CSGALNACT1: variants seen among roughly 807,000 people sequenced by gnomAD.
CSGALNACT1 encodes the protein beta4GalNAcT-1.
CSGALNACT1 carries 52 observed loss-of-function variants against 51.0 expected under a neutral mutation model. The observed-to-expected ratio is 1.02, with a 90% confidence interval of 0.82 to 1.29. The LOEUF is 1.29. Among genes scored for constraint, CSGALNACT1 ranks in the 50% most tolerant of loss-of-function variants. CSGALNACT1 has a pLI of 0.00. For synonymous variants in CSGALNACT1, 341 were observed against 254.4 expected (o/e 1.34, Z -3.24); for missense variants, 935 against 679.2 (o/e 1.38, Z -4.19).
intron 3 of CSGALNACT1, among the ~76,000 whole-genome samples, chr8:19,574,413 A>C (rs1455383135): frequency 6.6e-6 from 1 of 152,206 alleles, no homozygotes; most frequent in Admixed American, 6.5e-5. Context: ...GGGTTCCTCC[A>C]TGCAGCCCAG....
At chr8:19,528,589 T>A (rs1473417238) in intron 3 of CSGALNACT1, among the ~76,000 whole-genome samples, 1 of 141,418 alleles carries the variant, frequency 7.1e-6, no homozygotes, top group African/African-American at 2.9e-5. Context: ...ATGTGAGAAT[T>A]ACTCTTTCTG....
At chr8:19,500,070 C>T (rs1370681063) in intron 4 of CSGALNACT1, among the ~76,000 whole-genome samples, 7 of 152,134 alleles carry the variant, frequency 4.6e-5, no homozygotes, top group Admixed American at 1.3e-4. Flanking sequence ...CATCAGCAAA[C>T]GCATGGAGAT....
chr8:19,609,963 G>C (rs578104170), intron 1 of CSGALNACT1, among the ~76,000 whole-genome samples: 9 of 152,196 alleles, frequency 5.9e-5, no homozygotes, highest in African/African-American at 2.2e-4. Flanking sequence ...GCTCACGCCT[G>C]TAATCCCAGC....
At position 19,445,899 on chromosome 8, in the gene CSGALNACT1, G is replaced by A. The variant is rs2062030810; in HGVS notation, c.852-5968C>T. 2.0e-5 allele frequency among the ~76,000 whole-genome samples: 3 copies of A among 152,166 alleles called. No individual in the cohort carries two copies. The South Asian group carries it at 6.2e-4, about 32-fold the overall frequency. ...AAGTTTAAAAAGTAAAGTAAGCTGG[G>A]CGTGGTGGCTCATGCCTATAATCTC... On this transcript the variant is annotated intron_variant, in intron 5 of 9. Coordinates refer to ENST00000454498, the Ensembl canonical transcript of CSGALNACT1.
intron 5 of CSGALNACT1, among the ~76,000 whole-genome samples, chr8:19,455,417 A>G (rs1259610571): frequency 6.6e-6 from 1 of 152,216 alleles, no homozygotes; most frequent in Admixed American, 6.5e-5. Flanking sequence ...AACATCAAAT[A>G]TTTATTAAGC....
At chr8:19,601,685 T>C in intron 2 of CSGALNACT1, 86 bp downstream of exon 2, 1 of 368,018 alleles carries the variant, frequency 2.7e-6, no homozygotes, top group Non-Finnish European at 5.4e-6. Flanking sequence ...TAGAATGAAA[T>C]TTCATACATT....
intron 5 of CSGALNACT1, among the ~76,000 whole-genome samples, chr8:19,445,606 T>G (rs2061982741): frequency 6.6e-6 from 1 of 152,226 alleles, no homozygotes; most frequent in Non-Finnish European, 1.5e-5. Context: ...ATGGACCAGA[T>G]ACTCTACCAG....
At chr8:19,627,801 T>C (rs2054639897) in intron 1 of CSGALNACT1, among the ~76,000 whole-genome samples, 3 of 152,198 alleles carry the variant, frequency 2.0e-5, no homozygotes, top group African/African-American at 7.2e-5. Context: ...CTGCAGCACC[T>C]GGGTGACAGA....
chr8:19,583,537 A>T (rs930290042), intron 3 of CSGALNACT1, among the ~76,000 whole-genome samples: 1 of 152,182 alleles, frequency 6.6e-6, no homozygotes, highest in African/African-American at 2.4e-5. Context: ...ATTCCATTCT[A>T]ACTGACACTC....
chr8:19,513,397 T>C (rs575377977), intron 3 of CSGALNACT1, among the ~76,000 whole-genome samples: 7 of 142,436 alleles, frequency 4.9e-5, no homozygotes, highest in East Asian at 2.1e-4. Context: ...ATTCTGTTCA[T>C]AGAATTTTCT....
intron 3 of CSGALNACT1, among the ~76,000 whole-genome samples, chr8:19,509,557 G>C (rs1432332651): frequency 6.7e-6 from 1 of 148,440 alleles, no homozygotes; most frequent in Non-Finnish European, 1.5e-5. Context: ...GGGAGGCAGA[G>C]GTTGCAATGA....
chr8:19,532,160 C>CT (rs2082894996), intron 3 of CSGALNACT1: 1 of 136,102 alleles, frequency 7.3e-6, no homozygotes, highest in South Asian at 2.4e-4. Flanking sequence ...ACAAGTTTAG[C>CT]TTTTGGAAAT....
At chr8:19,546,185 C>T (rs563865210) in intron 3 of CSGALNACT1, among the ~76,000 whole-genome samples, 1 of 152,212 alleles carries the variant, frequency 6.6e-6, no homozygotes, top group African/African-American at 2.4e-5. Flanking sequence ...TTTTAGTATG[C>T]TTTGCCCAAT....
At chr8:19,431,461 T>C (rs1377579663) in intron 6 of CSGALNACT1, among the ~76,000 whole-genome samples, 2 of 152,098 alleles carry the variant, frequency 1.3e-5, no homozygotes, top group Admixed American at 6.5e-5. Flanking sequence ...ATATGGCATA[T>C]TTCATTGATT....
At chr8:19,558,190 A>G (rs145339318) in intron 3 of CSGALNACT1, among the ~76,000 whole-genome samples, 2 of 152,368 alleles carry the variant, frequency 1.3e-5, no homozygotes, top group Admixed American at 6.5e-5. Context: ...CATGTTTACT[A>G]CAAGTGTTAT....
intron 1 of CSGALNACT1, among the ~76,000 whole-genome samples, chr8:19,720,637 G>C (rs764372879): frequency 3.3e-5 from 5 of 152,046 alleles, no homozygotes; most frequent in Middle Eastern, 3.2e-3. Context: ...GCCAGGCGTG[G>C]CATGGGAAGA....
chr8:19,653,056 G>A (rs994025560), intron 1 of CSGALNACT1, among the ~76,000 whole-genome samples: 3 of 152,074 alleles, frequency 2.0e-5, no homozygotes, highest in Admixed American at 1.3e-4. Context: ...CCATCAAAGT[G>A]AATTATGAAC....
chr8:19,424,195 C>A (rs959313142), intron 6 of CSGALNACT1, among the ~76,000 whole-genome samples: 1 of 152,134 alleles, frequency 6.6e-6, no homozygotes, highest in African/African-American at 2.4e-5. Context: ...AGGGTGGGGA[C>A]AGAGTCACTG....
chr8:19,411,943 G>C (rs2055853202), intron 8 of CSGALNACT1, among the ~76,000 whole-genome samples: 1 of 151,524 alleles, frequency 6.6e-6, no homozygotes, highest in African/African-American at 2.4e-5. Context: ...CAATTCTCGT[G>C]CCTCAGCCTC....
Sources: gnomAD v4.1 joint callset for allele counts (sites outside exome capture counted in the v4.1 genomes callset) on GRCh38, gnomAD v4.1.1 for gene constraint, MANE v1.5 for transcripts, NCBI Gene and HGNC (gene_info 2026-07-23, HGNC 2026-07-21) for gene names.